The following ASTN2 variants were observed in gnomAD, a reference collection of about 807,000 sequenced individuals.
ASTN2 encodes the protein astrotactin 2.
ASTN2 carries 54 observed loss-of-function variants against 139.8 expected under a neutral mutation model. The ratio of observed to expected loss-of-function variants is 0.39; its 90% confidence interval spans 0.31 to 0.48. The LOEUF is 0.48. ASTN2 is among the 20% of genes least tolerant of loss of function. The probability of loss-of-function intolerance (pLI) is 0.95; values close to 1 mark genes in which losing one functional copy is unlikely to be tolerated. For missense variants in ASTN2, 1,565 were observed against 1,725.1 expected, an observed-to-expected ratio of 0.91 and a Z score of 1.64; for synonymous variants, 756 against 719.5, an observed-to-expected ratio of 1.05 and a Z score of -0.81.
chr9:117,077,587 A>C (rs1302421379), intron 5 of ASTN2, among the ~76,000 whole-genome samples: 2 of 152,114 alleles, frequency 1.3e-5, no homozygotes, highest in Non-Finnish European at 2.9e-5. Context: ...ATCTCTACTT[A>C]AAATACAAAA....
At chr9:117,026,463 G>A (rs1838086593) in intron 6 of ASTN2, among the ~76,000 whole-genome samples, 1 of 152,026 alleles carries the variant, frequency 6.6e-6, no homozygotes, top group Non-Finnish European at 1.5e-5. Flanking sequence ...TGATGTCTGG[G>A]GTCATCAACC....
intron 5 of ASTN2, among the ~76,000 whole-genome samples, chr9:117,085,262 G>A (rs1828531732): frequency 6.6e-6 from 1 of 152,164 alleles, no homozygotes; most frequent in Non-Finnish European, 1.5e-5. Flanking sequence ...TTGAATCCTA[G>A]CCTGTGGCTA....
At position 116,602,240 on chromosome 9, in the gene ASTN2, G is replaced by A. The variant is rs1854938606; in HGVS notation, c.3355+16084C>T. Among the ~76,000 whole-genome samples, 8 of 152,176 alleles carry A rather than the reference G, an allele frequency of 5.3e-5. No homozygotes were observed. The South Asian group carries it at 1.5e-3, about 28-fold the overall frequency. On this transcript the variant is annotated intron_variant, in intron 19 of 22. Coordinates refer to ENST00000313400, the MANE Select transcript of ASTN2 (RefSeq NM_001365068.1). Reference sequence around the variant, plus strand: ...AAGCTGAGGAATGAAAAGATGAAGTGAACCATTGTAGGCTATACTTTCAAA... The same window carrying A: ...AAGCTGAGGAATGAAAAGATGAAGTAAACCATTGTAGGCTATACTTTCAAA...
intron 20 of ASTN2, among the ~76,000 whole-genome samples, chr9:116,460,567 T>C (rs1848456502): frequency 1.3e-5 from 2 of 152,122 alleles, no homozygotes; most frequent in Admixed American, 6.6e-5. Flanking sequence ...CTCATTTAAG[T>C]AGAAAGTGTT....
At chr9:116,525,110 G>A (rs1435925724) in intron 19 of ASTN2, among the ~76,000 whole-genome samples, 2 of 152,186 alleles carry the variant, frequency 1.3e-5, no homozygotes, top group African/African-American at 4.8e-5. Context: ...TCCAAGACAA[G>A]GTTGTCTCAG....
chr9:117,179,016 C>T (rs978747381), intron 3 of ASTN2, among the ~76,000 whole-genome samples: 10 of 152,144 alleles, frequency 6.6e-5, no homozygotes, highest in African/African-American at 2.4e-4. Context: ...CGGATATTCC[C>T]TGAGAGTAGT....
chr9:117,387,962 A>G (rs1374770786), intron 1 of ASTN2, among the ~76,000 whole-genome samples: 2 of 152,146 alleles, frequency 1.3e-5, no homozygotes, highest in African/African-American at 4.8e-5. Context: ...GCCTAGTGGT[A>G]TCTCACTGTA....
chr9:116,549,191 AGAGGAG>A (rs1161631275), intron 19 of ASTN2, among the ~76,000 whole-genome samples: 1 of 151,750 alleles, frequency 6.6e-6, no homozygotes, highest in African/African-American at 2.4e-5. Context: ...TAAAAAGATC[AGAGGAG>A]GAGGAGGAGG....
intron 16 of ASTN2, among the ~76,000 whole-genome samples, chr9:116,665,158 C>T (rs809747): frequency 0.94 from 143,311 of 152,298 alleles, 67,498 homozygotes; most frequent in African/African-American, 0.98. Context: ...TGGTGCCATG[C>T]TTGTACAGCC....
At chr9:116,670,235 T>C (rs985045061) in intron 16 of ASTN2, among the ~76,000 whole-genome samples, 2 of 152,218 alleles carry the variant, frequency 1.3e-5, no homozygotes, top group African/African-American at 4.8e-5. Context: ...CAGCTAGTAT[T>C]GTCAAACTAT....
At chr9:117,025,512 C>T (rs1838041702) in intron 6 of ASTN2, among the ~76,000 whole-genome samples, 1 of 152,098 alleles carries the variant, frequency 6.6e-6, no homozygotes, top group African/African-American at 2.4e-5. Context: ...TGAGTCTTTG[C>T]AGGGAATGGC....
At chr9:117,269,640 C>T (rs1834017835) in intron 2 of ASTN2, among the ~76,000 whole-genome samples, 1 of 152,204 alleles carries the variant, frequency 6.6e-6, no homozygotes, top group African/African-American at 2.4e-5. Context: ...CCTACGAGAG[C>T]TGAGGTTCAG....
intron 19 of ASTN2, among the ~76,000 whole-genome samples, chr9:116,594,263 A>ACTGTTT (rs1854482237): frequency 6.6e-6 from 1 of 152,154 alleles, no homozygotes; most frequent in African/African-American, 2.4e-5. Context: ...ATCCTTCATA[A>ACTGTTT]CTGTTTCCTA....
intron 13 of ASTN2, among the ~76,000 whole-genome samples, chr9:116,779,117 T>TA (rs34715214): frequency 0.85 from 129,552 of 152,134 alleles, 55,885 homozygotes; most frequent in Non-Finnish European, 0.93. Flanking sequence ...ACTCTCCCCA[T>TA]ATCTCTGTGT....
intron 2 of ASTN2, among the ~76,000 whole-genome samples, chr9:117,251,364 C>T (rs1044214083): frequency 2.0e-5 from 3 of 151,830 alleles, no homozygotes; most frequent in South Asian, 2.1e-4. Context: ...ATCCCATTAC[C>T]CTACTTCATT....
intron 20 of ASTN2, among the ~76,000 whole-genome samples, chr9:116,482,617 T>C (rs1849207647): frequency 6.6e-6 from 1 of 152,116 alleles, no homozygotes; most frequent in African/African-American, 2.4e-5. Context: ...TGACCCAACG[T>C]ACCACTGAGA....
rs188370398 is a variant in ASTN2 at position 117,294,282 on chromosome 9, C to T, written c.443-2769G>A. Among the ~76,000 whole-genome samples the T allele has an allele frequency of 1.1e-4, 16 of 152,334 alleles. No homozygotes were observed. The East Asian group carries it at 1.7e-3, about 17-fold the overall frequency. On this transcript the variant is annotated intron_variant, in intron 1 of 22. Coordinates refer to ENST00000313400, the MANE Select transcript of ASTN2 (RefSeq NM_001365068.1). ...AGATTGAGCTCTTTGTTTGCTACAG[C>T]GATGAGTGCACAATCAGCAGACAGT...
intron 5 of ASTN2, among the ~76,000 whole-genome samples, chr9:117,060,467 A>AT (rs1839243852): frequency 9.8e-6 from 1 of 101,548 alleles, no homozygotes; most frequent in Non-Finnish European, 2.0e-5. Flanking sequence ...AAAGGAAGGA[A>AT]GGAAGGAAGG....
At chr9:117,371,981 C>G (rs186539873) in intron 1 of ASTN2, among the ~76,000 whole-genome samples, 1 of 152,088 alleles carries the variant, frequency 6.6e-6, no homozygotes, top group Non-Finnish European at 1.5e-5. Context: ...AGCATTCACC[C>G]GAAAGGAGCT....
Sources: gnomAD v4.1 joint callset for allele counts (sites outside exome capture counted in the v4.1 genomes callset) on GRCh38, gnomAD v4.1.1 for gene constraint, MANE v1.5 for transcripts, NCBI Gene and HGNC (gene_info 2026-07-23, HGNC 2026-07-21) for gene names.